Variants in GTF2A1L observed in about 807,000 individuals in gnomAD.
GTF2A1L encodes the protein general transcription factor IIA subunit 1 like.
A neutral mutation model predicts 49.7 loss-of-function variants in GTF2A1L; 48 were observed. The observed-to-expected ratio is 0.97, with a 90% CI of 0.77 to 1.23. GTF2A1L has a LOEUF of 1.23. GTF2A1L is among the 50% of genes most tolerant of loss of function. GTF2A1L has a pLI of 0.00. For missense variants in GTF2A1L, 736 were observed against 564.8 expected, an observed-to-expected ratio of 1.30 and a Z score of -3.07; for synonymous variants, 246 against 193.5, an observed-to-expected ratio of 1.27 and a Z score of -2.25.
At position 48,656,203 on chromosome 2, in the gene GTF2A1L, G is replaced by T. The variant is rs890787284; in HGVS notation, c.978+9161G>T. ...TTTTTTCGGATATATATGGAGAAAT[G>T]GAACTGCAAAATCATATGACAATTC... is the stretch of plus-strand genomic sequence containing the variant. On this transcript the variant is annotated intron_variant, in intron 6 of 8. Transcript: ENST00000403751. 3.9e-5 allele frequency among the ~76,000 whole-genome samples: 6 copies of T among 152,136 alleles called. No homozygotes were observed. In the South Asian group the frequency reaches 1.2e-3, roughly 32 times the overall value.
chr2:48,639,619 C>T (rs777459339), intron 3 of GTF2A1L, among the ~76,000 whole-genome samples: 4 of 152,194 alleles, frequency 2.6e-5, no homozygotes, highest in Non-Finnish European at 4.4e-5. Context: ...CTAGGCAATA[C>T]CATCTTGGAC....
chr2:48,675,338 G>T (rs2104322429), intron 8 of GTF2A1L, among the ~76,000 whole-genome samples: 1 of 152,190 alleles, frequency 6.6e-6, no homozygotes, highest in East Asian at 1.9e-4. Flanking sequence ...ACTCCAAAAT[G>T]ATTTGTATGG....
chr2:48,646,887 C>CATG lies in GTF2A1L; in HGVS notation c.828_830dup (p.Asp276dup). The CATG allele has an allele frequency of 6.2e-7, 1 of 1,614,200 alleles. No individual in the cohort carries two copies. The highest frequency in any genetic ancestry group is 2.2e-5 in the East Asian group (1 of 44,880). ...TTCAGCTAGCATGGCTCAAAATCTG[C>CATG]ATGATGAGTCCCTCTCCACAAGCCC... On this transcript the variant is annotated inframe_insertion, in exon 6 of 9. Transcript: ENST00000403751.
At chr2:48,664,473 A>G (rs1678702915) in intron 6 of GTF2A1L, among the ~76,000 whole-genome samples, 1 of 151,966 alleles carries the variant, frequency 6.6e-6, no homozygotes, top group Non-Finnish European at 1.5e-5. Flanking sequence ...CAATTTGCTA[A>G]GATTTCGTTG....
chr2:48,658,076 C>G (rs1678279329), intron 6 of GTF2A1L, among the ~76,000 whole-genome samples: 1 of 152,094 alleles, frequency 6.6e-6, no homozygotes, highest in African/African-American at 2.4e-5. Context: ...TTGATAGTTT[C>G]TTTTGCTGTG....
intron 5 of GTF2A1L, among the ~76,000 whole-genome samples, chr2:48,645,319 A>G (rs957912938): frequency 2.0e-5 from 3 of 152,192 alleles, no homozygotes; most frequent in Admixed American, 6.5e-5. Flanking sequence ...GGCCTGTCCT[A>G]TATTTGATTC....
intron 6 of GTF2A1L, among the ~76,000 whole-genome samples, chr2:48,662,380 T>C (rs1678560806): frequency 6.6e-6 from 1 of 152,254 alleles, no homozygotes; most frequent in African/African-American, 2.4e-5. Flanking sequence ...TTCAAGTTAC[T>C]ATCTAGCATC....
intron 6 of GTF2A1L, among the ~76,000 whole-genome samples, chr2:48,658,477 C>A (rs1277939282): frequency 2.0e-5 from 3 of 152,034 alleles, no homozygotes; most frequent in African/African-American, 7.2e-5. Flanking sequence ...GTTTTTGTAC[C>A]AGTGCTATGC....
chr2:48,643,171 A>G (rs1306611774), intron 4 of GTF2A1L, among the ~76,000 whole-genome samples: 3 of 152,050 alleles, frequency 2.0e-5, no homozygotes, highest in Non-Finnish European at 4.4e-5. Flanking sequence ...CTTTAATTAA[A>G]CTGGAATATT....
intron 3 of GTF2A1L, among the ~76,000 whole-genome samples, chr2:48,625,019 C>A (rs578136949): frequency 6.9e-6 from 1 of 144,114 alleles, no homozygotes; most frequent in South Asian, 2.3e-4. Flanking sequence ...TTGCAATGAA[C>A]TTGGAAGTGT....
chr2:48,642,828 C>T (rs1455521791), intron 4 of GTF2A1L, among the ~76,000 whole-genome samples: 1 of 149,098 alleles, frequency 6.7e-6, no homozygotes, highest in Non-Finnish European at 1.5e-5. Flanking sequence ...TGCACTCCAG[C>T]GTGGGTGACA....
intron 3 of GTF2A1L, among the ~76,000 whole-genome samples, chr2:48,638,972 A>G (rs1056214733): frequency 1.3e-5 from 2 of 152,142 alleles, no homozygotes; most frequent in Non-Finnish European, 2.9e-5. Flanking sequence ...AAAGAATAAG[A>G]CACCTAGCAA....
At chr2:48,666,744 T>G (rs1678866850) in intron 6 of GTF2A1L, among the ~76,000 whole-genome samples, 1 of 152,170 alleles carries the variant, frequency 6.6e-6, no homozygotes, top group Non-Finnish European at 1.5e-5. Context: ...GTTTTTATTG[T>G]TAGAATTTTG....
intron 8 of GTF2A1L, among the ~76,000 whole-genome samples, chr2:48,677,240 C>CT: frequency 1.3e-5 from 2 of 151,776 alleles, no homozygotes; most frequent in African/African-American, 4.8e-5. Flanking sequence ...AAATAAAACC[C>CT]TGTTGGTATT....
Position 48,630,742 on chromosome 2 carries a change from G to C in GTF2A1L, c.247+9452G>C, listed in dbSNP as rs891703270. Reference sequence around the variant, plus strand: ...CCATTTAGCATGGTGTTGGCTGTGAGTTTGTCATAGATGGCTCTTATTATT... The same window carrying C: ...CCATTTAGCATGGTGTTGGCTGTGACTTTGTCATAGATGGCTCTTATTATT... On this transcript the variant is annotated intron_variant, in intron 3 of 8. Transcript: ENST00000403751. Among the ~76,000 whole-genome samples the C allele has an allele frequency of 9.4e-5, 10 of 105,878 alleles. 2 individuals carry two copies. Among genetic ancestry groups the C allele is most frequent in the Non-Finnish European group, 2.4e-4 (10 of 42,314 alleles). 69.5% of individuals were successfully genotyped at this position (105,878 alleles called of 152,430 possible).
intron 3 of GTF2A1L, among the ~76,000 whole-genome samples, chr2:48,634,570 G>A (rs1676779184): frequency 6.6e-6 from 1 of 152,186 alleles, no homozygotes; most frequent in Non-Finnish European, 1.5e-5. Flanking sequence ...CCCTTAAGGA[G>A]CTCTTGTAAT....
At position 48,646,569 on chromosome 2, in the gene GTF2A1L, C is replaced by G; in HGVS notation, c.505C>G (p.Gln169Glu). 6.2e-7 allele frequency: 1 copy of G among 1,614,128 alleles called. No individual in the cohort carries two copies. Among genetic ancestry groups the G allele is most frequent in the Non-Finnish European group, 8.5e-7 (1 of 1,180,028 alleles). The change falls in exon 6 of 9, where the codon CAA becomes GAA. Residue 169 changes from glutamine (Q) to glutamate (E), a missense_variant. Physicochemically the swap from Gln to Glu is conservative, Grantham distance 29. Coordinates refer to ENST00000403751, the MANE Select transcript of GTF2A1L (RefSeq NM_006872.5). ...FQQLGQPSVI[Q>E]TSVPQLNPWS... ...ACAGCTTGGCCAGCCTTCAGTAATA[C>G]AAACTAGTGTTCCACAATTGAATCC... is the stretch of plus-strand genomic sequence containing the variant.
intron 5 of GTF2A1L, among the ~76,000 whole-genome samples, chr2:48,645,571 C>G (rs1297159319): frequency 3.3e-5 from 5 of 152,164 alleles, no homozygotes; most frequent in Non-Finnish European, 7.3e-5. Context: ...CGAGCACCAT[C>G]TCTTGATTTT....
At chr2:48,619,660 A>G (rs1675866448) in intron 1 of GTF2A1L, among the ~76,000 whole-genome samples, 1 of 152,038 alleles carries the variant, frequency 6.6e-6, no homozygotes, top group Non-Finnish European at 1.5e-5. Context: ...AACTCAACTA[A>G]ATTCCTGCTT....
Sources: allele counts gnomAD v4.1 joint callset (sites outside exome capture counted in the v4.1 genomes callset), GRCh38; gene constraint gnomAD v4.1.1; transcripts MANE v1.5; gene names NCBI Gene and HGNC (gene_info 2026-07-23, HGNC 2026-07-21).